OSCP1: variants seen among roughly 807,000 people sequenced by gnomAD.
The protein encoded by OSCP1 is protein OSCP1.
In OSCP1, 35 loss-of-function variants were observed where a neutral mutation model predicts 45.1. That is an observed-to-expected ratio of 0.78 (90% confidence interval 0.59 to 1.03). OSCP1 has a LOEUF of 1.03. Among genes scored for constraint, OSCP1 ranks in the 50% least tolerant of loss-of-function variants. The probability of loss-of-function intolerance (pLI) is 0.00; values close to 1 mark genes in which losing one functional copy is unlikely to be tolerated. For missense variants in OSCP1, 400 were observed against 470.7 expected, an observed-to-expected ratio of 0.85 and a Z score of 1.39; for synonymous variants, 179 against 180.1, an observed-to-expected ratio of 0.99 and a Z score of 0.05.
chr1:36,422,962 T>C, intron 5 of OSCP1, 66 bp from the exon 6 acceptor site: 1 of 1,401,590 alleles, frequency 7.1e-7, no homozygotes, highest in South Asian at 1.7e-5. Flanking sequence ...GGCTTCTTTA[T>C]TCTTTGTACT....
Position 36,447,984 on chromosome 1 carries a change from A to G in OSCP1, c.112+2274T>C, listed in dbSNP as rs1008707103. ...AAGCAGAAAAAAGGCTATAACTCCTAAAGGTAAAGCTGTCCTCTAGTATTC... is the reference window on the plus strand; with the variant it reads ...AAGCAGAAAAAAGGCTATAACTCCTGAAGGTAAAGCTGTCCTCTAGTATTC... On this transcript the variant is annotated intron_variant, in intron 1 of 9. Coordinates refer to ENST00000235532, the MANE Select transcript of OSCP1 (RefSeq NM_145047.5). This position sits in a 1 kb window ranked among gnomAD's most constrained non-coding sequence, Gnocchi z 4.1. The G allele has an allele frequency of 2.1e-5, 9 of 423,764 alleles. No homozygotes were observed. Among genetic ancestry groups the G allele is most frequent in the Non-Finnish European group, 3.9e-5 (8 of 205,408 alleles). The allele number at this position is 423,764 out of a possible 1,614,324, so 26.3% of individuals were successfully genotyped here. A position where few individuals can be genotyped will look rare whatever the true frequency, so the allele number is the denominator to read the frequency against.
At position 36,438,773 on chromosome 1, in the gene OSCP1, G is replaced by T; in HGVS notation, c.250C>A (p.Gln84Lys). The stretch of plus-strand genomic sequence containing the variant: ...CTGCTCACCTTATCCATGCTGGCCT[G>T]GTTCAGTTTCATAATGGAGGCATGA... The part of the protein sequence containing the change: ...LAHASIMKLN[Q>K]ASMDKLYDLM... Residue 84 changes from glutamine to lysine, a missense_variant, in exon 2 of 10, where the codon CAG (glutamine) becomes AAG (lysine). Coordinates refer to ENST00000235532, the MANE Select transcript of OSCP1 (RefSeq NM_145047.5). The T allele has an allele frequency of 3.1e-6, 5 of 1,612,054 alleles. No homozygotes were observed. The highest frequency in any genetic ancestry group is 2.2e-5 in the East Asian group (1 of 44,852).
At chr1:36,435,707 A>ACTGCAACCTCTGCCTCC (rs1648682356) in intron 2 of OSCP1, among the ~76,000 whole-genome samples, 1 of 151,636 alleles carries the variant, frequency 6.6e-6, no homozygotes, top group Admixed American at 6.6e-5. Flanking sequence ...ATCTTGGCTC[A>ACTGCAACCTCTGCCTCC]CTGCAACCTC....
intron 1 of OSCP1, among the ~76,000 whole-genome samples, chr1:36,442,721 T>G (rs2124012366): frequency 6.6e-6 from 1 of 152,354 alleles, no homozygotes; most frequent in East Asian, 1.9e-4. Context: ...CAATCCTTTC[T>G]ATGTCCCAGG....
chr1:36,435,362 G>A (rs993131744), intron 2 of OSCP1, among the ~76,000 whole-genome samples: 1 of 151,860 alleles, frequency 6.6e-6, no homozygotes, highest in Non-Finnish European at 1.5e-5. Context: ...GCCCAGGCTG[G>A]TGTTGAACTC....
rs764859613 is a variant in OSCP1 at position 36,422,769 on chromosome 1, TGTTA to T, written c.744_747del (p.Asn249CysfsTer4). 6.3e-7 allele frequency: 1 copy of T among 1,589,326 alleles called. No individual in the cohort carries two copies. Among genetic ancestry groups the T allele is most frequent in the African/African-American group, 1.4e-5 (1 of 74,068 alleles). On this transcript the variant is annotated frameshift_variant and splice_region_variant, in exon 6 of 10. Coordinates refer to ENST00000235532, the MANE Select transcript of OSCP1 (RefSeq NM_145047.5). LOFTEE classifies it high-confidence loss of function. Reference sequence around the variant, plus strand: ...TCACTCAGAGAAGAATTTGCTTACATGTTAGTTCCCAGTTTCAGGACTCGGTCTC... The same window carrying T: ...TCACTCAGAGAAGAATTTGCTTACATGTTCCCAGTTTCAGGACTCGGTCTC...
chr1:36,423,533 T>C, intron 4 of OSCP1, 67 bp from the exon 5 acceptor site: 1 of 1,287,050 alleles, frequency 7.8e-7, no homozygotes, highest in Non-Finnish European at 1.1e-6. Flanking sequence ...ATTCTGAGGG[T>C]GGAAAGTGCG....
At chr1:36,421,438 T>C (rs1243337493) in intron 7 of OSCP1, among the ~76,000 whole-genome samples, 1 of 152,142 alleles carries the variant, frequency 6.6e-6, no homozygotes, top group Non-Finnish European at 1.5e-5. Context: ...TATCCCCGCC[T>C]CTGAAATGCC....
chr1:36,426,757 G>A (rs1310734741), intron 4 of OSCP1, among the ~76,000 whole-genome samples: 2 of 152,180 alleles, frequency 1.3e-5, no homozygotes, highest in Non-Finnish European at 2.9e-5. Context: ...CCAGGCTGTA[G>A]TGCAGTGGTG....
intron 9 of OSCP1, 62 bp downstream of exon 9, chr1:36,418,929 G>GAAA (rs556476081): frequency 1.1e-4 from 117 of 1,074,990 alleles, no homozygotes; most frequent in Non-Finnish European, 1.2e-4. Flanking sequence ...CCTGTCTCAA[G>GAAA]AAAAAAAAAA....
chr1:36,433,342 G>C (rs951887448), intron 2 of OSCP1, among the ~76,000 whole-genome samples: 1 of 152,206 alleles, frequency 6.6e-6, no homozygotes, highest in Non-Finnish European at 1.5e-5. Context: ...GTACATGTGA[G>C]GGCCTGGAGG....
intron 7 of OSCP1, among the ~76,000 whole-genome samples, chr1:36,421,173 CA>C (rs1647595874): frequency 1.3e-5 from 2 of 152,092 alleles, no homozygotes; most frequent in Non-Finnish European, 2.9e-5. Flanking sequence ...TGGCTTGAAA[CA>C]AAGCCCTCTG....
chr1:36,437,845 C>T (rs1648851890), intron 2 of OSCP1, among the ~76,000 whole-genome samples: 1 of 152,108 alleles, frequency 6.6e-6, no homozygotes, highest in Admixed American at 6.5e-5. Flanking sequence ...TGTGTTAAGG[C>T]ATGTATTCCT....
Position 36,422,756 on chromosome 1 carries a change from G to T in OSCP1, c.749+12C>A. 2 of 1,558,358 alleles carry T rather than the reference G, an allele frequency of 1.3e-6. No homozygotes were observed. The highest frequency in any genetic ancestry group is 2.4e-5 in the South Asian group (2 of 82,776). ...CTTGGACTTGAATTCACTCAGAGAA[G>T]AATTTGCTTACATGTTAGTTCCCAG... On this transcript the variant is annotated intron_variant, in intron 6 of 9. Coordinates refer to ENST00000235532, the MANE Select transcript of OSCP1 (RefSeq NM_145047.5).
At chr1:36,422,701 CTT>C (rs35889349) in intron 6 of OSCP1, 65 bp downstream of exon 6, 4,171 of 1,186,078 alleles carry the variant, frequency 3.5e-3, no homozygotes, top group South Asian at 6.0e-3. Context: ...GGCTGTTTCT[CTT>C]TTTTTTTTTT....
chr1:36,443,918 A>G, intron 1 of OSCP1: 13 of 1,435,076 alleles, frequency 9.1e-6, no homozygotes, highest in Non-Finnish European at 1.3e-5. Flanking sequence ...AAATGTTTCA[A>G]GCGGTCCCAT....
chr1:36,429,866 A>T (rs889666879), intron 4 of OSCP1, among the ~76,000 whole-genome samples: 1 of 145,662 alleles, frequency 6.9e-6, no homozygotes, highest in East Asian at 2.0e-4. Context: ...GCTAGAGTGC[A>T]GTGGCACTAA....
In OSCP1 at chr1:36,447,203, T is replaced by C. The variant is rs1350245551; in HGVS notation, c.112+3055A>G. On this transcript the variant is annotated intron_variant, in intron 1 of 9. Coordinates refer to ENST00000235532, the MANE Select transcript of OSCP1 (RefSeq NM_145047.5). The surrounding 1 kb of genome is among the most constrained non-coding windows in gnomAD (Gnocchi z 4.1). ...CTCTCGCTCCTGTGGCCACAACAAC[T>C]TTAAATGGTGGAATAGGTGGAAGAC... Among the ~76,000 whole-genome samples the C allele has an allele frequency of 6.6e-6, 1 of 152,186 alleles. No individual in the cohort carries two copies. Among genetic ancestry groups the C allele is most frequent in the Non-Finnish European group, 1.5e-5 (1 of 68,034 alleles).
intron 7 of OSCP1, among the ~76,000 whole-genome samples, chr1:36,421,073 C>G (rs1489001864): frequency 6.6e-6 from 1 of 152,140 alleles, no homozygotes. Flanking sequence ...ATCCTGTACC[C>G]CTCTTCCTTG....
Sources: gnomAD v4.1 joint callset for allele counts (sites outside exome capture counted in the v4.1 genomes callset) on GRCh38, gnomAD v4.1.1 for gene constraint, Gnocchi (gnomAD v3.1) non-coding constraint, MANE v1.5 for transcripts, NCBI Gene and HGNC (gene_info 2026-07-23, HGNC 2026-07-21) for gene names.